The following MRPS28 variants were observed in gnomAD, a reference collection of about 807,000 sequenced individuals.
MRPS28 encodes mitochondrial ribosomal protein S28.
Under a neutral mutation model 10.8 loss-of-function variants are expected in MRPS28, and 7 were observed. The observed-to-expected ratio is 0.65, with a 90% CI of 0.37 to 1.22. MRPS28 has a LOEUF of 1.22. Among genes scored for constraint, MRPS28 ranks in the 50% most tolerant of loss-of-function variants. MRPS28 has a pLI of 0.02. For synonymous variants in MRPS28, 121 were observed against 93.3 expected (o/e 1.30, Z -1.71); for missense variants, 265 against 232.9 (o/e 1.14, Z -0.90).
chr8:79,926,655 A>G (rs1810241789), intron 2 of MRPS28, among the ~76,000 whole-genome samples: 1 of 152,234 alleles, frequency 6.6e-6, no homozygotes, highest in Non-Finnish European at 1.5e-5. Context: ...CAGGAGAGCA[A>G]AACTCATTGA....
intron 2 of MRPS28, among the ~76,000 whole-genome samples, chr8:79,996,102 G>T (rs1017356436): frequency 7.9e-5 from 12 of 151,884 alleles, no homozygotes; most frequent in African/African-American, 2.9e-4. Context: ...GTCTAACAAG[G>T]TTCAAAGAAA....
chr8:79,919,703 T>C (rs2129827332), intron 2 of MRPS28, among the ~76,000 whole-genome samples: 1 of 152,364 alleles, frequency 6.6e-6, no homozygotes, highest in African/African-American at 2.4e-5. Context: ...AGCAAGACAG[T>C]TCTTAAAACT....
chr8:79,942,741 G>C (rs1806803671), intron 2 of MRPS28, among the ~76,000 whole-genome samples: 2 of 151,980 alleles, frequency 1.3e-5, no homozygotes, highest in Non-Finnish European at 2.9e-5. Flanking sequence ...AACTAAACTG[G>C]TCTTGAGATT....
chr8:80,026,836 T>A (rs1309747232), intron 1 of MRPS28, among the ~76,000 whole-genome samples: 1 of 152,244 alleles, frequency 6.6e-6, no homozygotes, highest in Non-Finnish European at 1.5e-5. Flanking sequence ...ATTGTCTCTT[T>A]GAATGACACA....
chr8:80,015,725 A>T (rs567438256), intron 1 of MRPS28, among the ~76,000 whole-genome samples: 39 of 152,348 alleles, frequency 2.6e-4, no homozygotes, highest in African/African-American at 8.7e-4. Context: ...CACAGCAAGG[A>T]TACTGAAATT....
At chr8:80,027,939 G>T (rs1809532374) in intron 1 of MRPS28, among the ~76,000 whole-genome samples, 1 of 152,122 alleles carries the variant, frequency 6.6e-6, no homozygotes, top group Non-Finnish European at 1.5e-5. Context: ...GCTGGACTGA[G>T]AAAATCTAAC....
intron 2 of MRPS28, among the ~76,000 whole-genome samples, chr8:79,938,245 C>T (rs1305665180): frequency 6.6e-6 from 1 of 151,808 alleles, no homozygotes; most frequent in African/African-American, 2.4e-5. Context: ...GGGGCATGCT[C>T]CTCCTATTTG....
Position 79,952,119 on chromosome 8 carries a change from C to T in MRPS28, c.396-32971G>A, listed in dbSNP as rs138023461. ...CCATTCCTTTAAGATGTCTTGAATC[C>T]CCCTTCCTCCAAGTAGATTTCATGT... On this transcript the variant is annotated intron_variant, in intron 2 of 2. Transcript: ENST00000276585. 7.0e-3 allele frequency among the ~76,000 whole-genome samples: 1,064 copies of T among 152,170 alleles called. 6 individuals are homozygous for T. The highest frequency in any genetic ancestry group is 0.012 in the South Asian group (57 of 4,820).
intron 1 of MRPS28, among the ~76,000 whole-genome samples, chr8:80,007,631 GACAA>G (rs1387202378): frequency 1.1e-4 from 16 of 149,912 alleles, no homozygotes; most frequent in Non-Finnish European, 1.6e-4. Context: ...ACCAATAACA[GACAA>G]ACAGAGAGCC....
intron 2 of MRPS28, among the ~76,000 whole-genome samples, chr8:79,991,632 A>C (rs1808363902): frequency 6.6e-6 from 1 of 152,244 alleles, no homozygotes; most frequent in Non-Finnish European, 1.5e-5. Flanking sequence ...AGAGCAGAGA[A>C]AGATGTTTCC....
At chr8:79,964,356 T>A (rs939735197) in intron 2 of MRPS28, among the ~76,000 whole-genome samples, 2 of 152,116 alleles carry the variant, frequency 1.3e-5, no homozygotes, top group Admixed American at 6.6e-5. Flanking sequence ...AAAATAAAAT[T>A]CTAACACAAT....
Position 79,947,629 on chromosome 8 carries a change from G to GTTTT in MRPS28, c.396-28485_396-28482dup, listed in dbSNP as rs767221360. Among the ~76,000 whole-genome samples, 276 of 109,228 alleles carry GTTTT rather than the reference G, an allele frequency of 2.5e-3. 6 individuals carry two copies. Among genetic ancestry groups the GTTTT allele is most frequent in the African/African-American group, 7.0e-3 (180 of 25,804 alleles). 71.7% of individuals were successfully genotyped at this position (109,228 alleles called of 152,430 possible). A position where few individuals can be genotyped will look rare whatever the true frequency, so the allele number is the denominator to read the frequency against. On this transcript the variant is annotated intron_variant, in intron 2 of 2. Transcript: ENST00000276585. ...ACATATCTTTTGTTAAATATATTAA[G>GTTTT]TTTTTTTTTTTTTTTTTTTTTTTGA...
intron 1 of MRPS28, among the ~76,000 whole-genome samples, chr8:80,027,042 A>G (rs1183070011): frequency 6.6e-6 from 1 of 151,434 alleles, no homozygotes; most frequent in Non-Finnish European, 1.5e-5. Context: ...CCCCCACCAG[A>G]GCGGTACATC....
chr8:80,011,929 T>A (rs1256612377), intron 1 of MRPS28, among the ~76,000 whole-genome samples: 1 of 152,220 alleles, frequency 6.6e-6, no homozygotes, highest in Non-Finnish European at 1.5e-5. Context: ...ATGTTTGAGC[T>A]AAGATTAGTA....
Position 79,918,924 on chromosome 8 carries a change from AT to A in MRPS28, c.*55del. The A allele has an allele frequency of 7.7e-7, 1 of 1,298,456 alleles. No individual in the cohort carries two copies. The allele number at this position is 1,298,456 out of a possible 1,614,324, so 80.4% of individuals were successfully genotyped here. A position where few individuals can be genotyped will look rare whatever the true frequency, so the allele number is the denominator to read the frequency against. On this transcript the variant is annotated 3_prime_UTR_variant, in exon 3 of 3. Transcript: ENST00000276585. ...ATTTATTCACAATTAGTCTAATTGC[AT>A]TCTTGATGAATAACTGACTTCAGCA...
intron 2 of MRPS28, among the ~76,000 whole-genome samples, chr8:79,923,579 T>C (rs540320024): frequency 4.1e-4 from 62 of 152,308 alleles, no homozygotes; most frequent in African/African-American, 1.4e-3. Flanking sequence ...GGCAGCAGTT[T>C]TTCAGAAATC....
intron 1 of MRPS28, among the ~76,000 whole-genome samples, chr8:80,011,132 T>A (rs1012852381): frequency 6.8e-6 from 1 of 146,738 alleles, no homozygotes; most frequent in African/African-American, 2.7e-5. Flanking sequence ...TTTTTATTTT[T>A]TTATTTTTAT....
chr8:79,967,687 T>G (rs1807536355), intron 2 of MRPS28, among the ~76,000 whole-genome samples: 1 of 152,124 alleles, frequency 6.6e-6, no homozygotes, highest in Admixed American at 6.5e-5. Context: ...TGGACGGCAT[T>G]GCCTGGGGCT....
chr8:79,925,228 C>T (rs1234051733), intron 2 of MRPS28, among the ~76,000 whole-genome samples: 1 of 149,814 alleles, frequency 6.7e-6, no homozygotes, highest in Non-Finnish European at 1.5e-5. Flanking sequence ...TGAGTTATTC[C>T]CAAAAGTCCT....
Sources: allele counts gnomAD v4.1 joint callset (sites outside exome capture counted in the v4.1 genomes callset), GRCh38; gene constraint gnomAD v4.1.1; transcripts MANE v1.5; gene names NCBI Gene and HGNC (gene_info 2026-07-23, HGNC 2026-07-21).